WRAP53: variants seen among roughly 807,000 people sequenced by gnomAD.
WRAP53 encodes telomerase Cajal body protein 1.
WRAP53 carries 28 observed loss-of-function variants against 56.6 expected under a neutral mutation model. The observed-to-expected ratio is 0.50, with a 90% confidence interval of 0.37 to 0.68. The LOEUF is 0.68. Among genes scored for constraint, WRAP53 ranks in the 30% least tolerant of loss-of-function variants. The pLI is 0.00. For missense variants in WRAP53, 671 were observed against 715.5 expected (o/e 0.94, Z 0.71); for synonymous variants, 283 against 283.4 (o/e 1.00, Z 0.01).
At position 7,703,054 on chromosome 17, in the gene WRAP53, G is replaced by A. The variant is rs759111012; in HGVS notation, c.1330G>A (p.Gly444Arg). ...SGAVSVWDTD[G>R]PGNDGKPEPV... ...GGCTGTCTCTGTGTGGGACACGGAC[G>A]GGCCTGGCAATGATGGGAAGCCGGA... Residue 444 changes from glycine to arginine, a missense_variant, in exon 10 of 11, where the codon GGG becomes AGG. Physicochemically the swap from Gly to Arg is moderately radical, Grantham distance 125. Transcript: ENST00000396463. 65 of 1,614,116 alleles carry A rather than the reference G, an allele frequency of 4.0e-5. No individual in the cohort carries two copies. Among genetic ancestry groups the A allele is most frequent in the Non-Finnish European group, 5.3e-5 (63 of 1,180,016 alleles).
At chr17:7,700,224 CTAA>C (rs2074256268) in intron 4 of WRAP53, among the ~76,000 whole-genome samples, 1 of 151,732 alleles carries the variant, frequency 6.6e-6, no homozygotes, top group Non-Finnish European at 1.5e-5. Context: ...AATTTTTGTA[CTAA>C]TATTTTTTTA....
At chr17:7,690,442 A>G (rs968533052) in intron 4 of WRAP53, among the ~76,000 whole-genome samples, 14 of 152,220 alleles carry the variant, frequency 9.2e-5, no homozygotes, top group African/African-American at 3.4e-4. Context: ...GAGACTAACT[A>G]GAGGAAAGCA....
At chr17:7,696,659 G>C (rs2074190545) in intron 4 of WRAP53, among the ~76,000 whole-genome samples, 1 of 152,112 alleles carries the variant, frequency 6.6e-6, no homozygotes, top group Non-Finnish European at 1.5e-5. Flanking sequence ...GTGGGTCGGG[G>C]GTAGCACGTG....
Position 7,689,642 on chromosome 17 carries a change from A to C in WRAP53, c.583A>C (p.Ile195Leu), listed in dbSNP as rs751163017. The change falls in exon 4 of 11, where the codon ATT (isoleucine) becomes CTT (leucine). Residue 195 changes from isoleucine to leucine, a missense_variant. Ile to Leu is a conservative substitution (Grantham distance 5). Coordinates refer to ENST00000396463, the MANE Select transcript of WRAP53 (RefSeq NM_001143992.2). ...LTNSADNILR[I>L]YNLPPELYHE... is the part of the protein sequence containing the mutation. ...CAATAGTGCTGATAACATCTTGCGA[A>C]TTTATAACCTGCCCCCAGAGCTGTA... The C allele has an allele frequency of 1.2e-6, 2 of 1,614,090 alleles. No individual in the cohort carries two copies. The highest frequency in any genetic ancestry group is 8.5e-7 in the Non-Finnish European group (1 of 1,179,994).
Position 7,702,691 on chromosome 17 carries a change from AG to A in WRAP53, c.1165-49del, listed in dbSNP as rs1397697442. On this transcript the variant is annotated intron_variant, in intron 8 of 10. Transcript: ENST00000396463. The surrounding 1 kb of genome is among the most constrained non-coding windows in gnomAD (Gnocchi z 5.0). The stretch of plus-strand genomic sequence containing the variant: ...AGTGCCTGGAGACCCCGAGGGAGGC[AG>A]GGACATCCAGGGCTTTGGGGGTGAC... 2.5e-6 allele frequency: 4 copies of A among 1,604,486 alleles called. No homozygotes were observed. The African/African-American group carries it at 5.3e-5, about 21-fold the overall frequency.
rs767714126 is a variant in WRAP53 at position 7,702,529 on chromosome 17, C to T, written c.1141C>T (p.Arg381Cys). ...THLCFHPDGNRFFSGARKDAE... is the reference protein window; with the variant it reads ...THLCFHPDGNCFFSGARKDAE... ...CCTCTGCTTTCATCCCGATGGCAACCGCTTCTTCTCAGGAGCCCGCAAGGT... is the reference window on the plus strand; with the variant it reads ...CCTCTGCTTTCATCCCGATGGCAACTGCTTCTTCTCAGGAGCCCGCAAGGT... The change falls in exon 8 of 11, where the codon CGC (arginine) becomes TGC (cysteine). Residue 381 changes from arginine (R) to cysteine (C), a missense_variant. Coordinates refer to ENST00000396463, the MANE Select transcript of WRAP53 (RefSeq NM_001143992.2). This position sits in a 1 kb window ranked among gnomAD's most constrained non-coding sequence, Gnocchi z 5.0. The T allele has an allele frequency of 1.1e-5, 17 of 1,611,510 alleles. No homozygotes were observed. The highest frequency in any genetic ancestry group is 1.3e-5 in the African/African-American group (1 of 75,012).
chr17:7,695,101 CACT>C (rs1472502230), intron 4 of WRAP53, among the ~76,000 whole-genome samples: 13 of 151,996 alleles, frequency 8.6e-5, no homozygotes, highest in Admixed American at 4.6e-4. Flanking sequence ...TACACGCACC[CACT>C]GCCACCACGC....
intron 4 of WRAP53, among the ~76,000 whole-genome samples, chr17:7,696,545 G>A (rs113244589): frequency 2.0e-5 from 3 of 152,138 alleles, no homozygotes; most frequent in South Asian, 2.1e-4. Context: ...TGATCCGCCC[G>A]CCTTGGCCTC....
At chr17:7,700,980 T>A in intron 5 of WRAP53, 151 bp downstream of exon 5, 1 of 419,862 alleles carries the variant, frequency 2.4e-6, no homozygotes, top group Non-Finnish European at 4.4e-6. Flanking sequence ...TCCCCTTCCT[T>A]TTTTTTTTTT....
In WRAP53 at chr17:7,702,633, G is replaced by A; in HGVS notation, c.1164+81G>A. On this transcript the variant is annotated intron_variant, in intron 8 of 10. Transcript: ENST00000396463. This position sits in a 1 kb window ranked among gnomAD's most constrained non-coding sequence, Gnocchi z 5.0. ...ATGTAGTCTGCAGTGTAGGGGAATG[G>A]GTGGGGATGGGGAAAAAATCCCAAG... 1 of 1,595,332 alleles carries A rather than the reference G, an allele frequency of 6.3e-7. No homozygotes were observed. Among genetic ancestry groups the A allele is most frequent in the Non-Finnish European group, 8.5e-7 (1 of 1,174,234 alleles).
rs747278428 is a variant in WRAP53 at position 7,689,683 on chromosome 17, G to C, written c.624G>C (p.Gln208His). The change falls in exon 4 of 11, where the codon CAG becomes CAC. Residue 208 changes from glutamine (Q) to histidine (H), a missense_variant. By Grantham distance (24) the Gln-to-His change is conservative (BLOSUM62 0). Transcript: ENST00000396463. Reference sequence around the variant, plus strand: ...CAGAGCTGTACCATGAGGGGGAGCAGGTGGAATATGCAGAAATGGTAAGGA... The same window carrying C: ...CAGAGCTGTACCATGAGGGGGAGCACGTGGAATATGCAGAAATGGTAAGGA... The part of the protein sequence containing the change: ...LPPELYHEGE[Q>H]VEYAEMVPVL... The C allele has an allele frequency of 6.2e-7, 1 of 1,614,026 alleles. No individual in the cohort carries two copies. Among genetic ancestry groups the C allele is most frequent in the Admixed American group, 1.7e-5 (1 of 60,012 alleles).
chr17:7,689,159 C>T, intron 2 of WRAP53, 65 bp from the exon 3 acceptor site: 7 of 1,613,414 alleles, frequency 4.3e-6, no homozygotes, highest in Non-Finnish European at 5.9e-6. Flanking sequence ...CTGAGACCCA[C>T]TTCTCCAGGC....
chr17:7,703,177 T>G (rs1238606132), intron 10 of WRAP53, 50 bp downstream of exon 10: 2 of 1,612,712 alleles, frequency 1.2e-6, no homozygotes, highest in Non-Finnish European at 1.7e-6. Context: ...GGGAGGGAGG[T>G]GAATCCCAGA....
chr17:7,703,391 TGG>T lies in WRAP53; in HGVS notation c.1553_1554del (p.Trp518LeufsTer11). ...VHLECRLQLW[W>X]CGGAPDSSIP... ...CCTTGAATGTCGGCTTCAGCTCTGG[TGG>T]TGTGGGGGGGCGCCAGACTCCAGCA... is the stretch of plus-strand genomic sequence containing the variant. On this transcript the variant is annotated frameshift_variant, in exon 11 of 11. Transcript: ENST00000396463. LOFTEE classifies it low-confidence loss of function (END_TRUNC). 1 of 1,613,016 alleles carries T rather than the reference TGG, an allele frequency of 6.2e-7. No individual in the cohort carries two copies. Among genetic ancestry groups the T allele is most frequent in the Non-Finnish European group, 8.5e-7 (1 of 1,179,770 alleles).
Position 7,689,046 on chromosome 17 carries a change from C to T in WRAP53, c.398C>T (p.Ser133Phe). ...LGSGKAMEDT[S>F]GEPAAEDEGD... ...TCTGGAAAAGCCATGGAAGATACCTCTGGGGAACCCGCTGCAGAGGACGAG... is the reference window on the plus strand; with the variant it reads ...TCTGGAAAAGCCATGGAAGATACCTTTGGGGAACCCGCTGCAGAGGACGAG... The change falls in exon 2 of 11, where the codon TCT becomes TTT. Residue 133 changes from serine (S) to phenylalanine (F), a missense_variant. Ser to Phe is a radical substitution (Grantham distance 155, BLOSUM62 -2). Coordinates refer to ENST00000396463, the MANE Select transcript of WRAP53 (RefSeq NM_001143992.2). The T allele has an allele frequency of 6.2e-7, 1 of 1,614,148 alleles. No homozygotes were observed. The highest frequency in any genetic ancestry group is 8.5e-7 in the Non-Finnish European group (1 of 1,180,032).
chr17:7,702,885 A>G lies in WRAP53; in HGVS notation c.1268+39A>G. ...ACTCCTTCCTACACAGGGCCCTGAT[A>G]AGCCTAGGAATGCCAGAGCCCAGCT... On this transcript the variant is annotated intron_variant, in intron 9 of 10. Transcript: ENST00000396463. The surrounding 1 kb of genome is among the most constrained non-coding windows in gnomAD (Gnocchi z 5.0). 6.2e-7 allele frequency: 1 copy of G among 1,613,120 alleles called. No individual in the cohort carries two copies. Among genetic ancestry groups the G allele is most frequent in the Non-Finnish European group, 8.5e-7 (1 of 1,179,764 alleles).
intron 4 of WRAP53, among the ~76,000 whole-genome samples, chr17:7,700,305 G>C (rs2074257250): frequency 6.6e-6 from 1 of 151,864 alleles, no homozygotes; most frequent in African/African-American, 2.4e-5. Flanking sequence ...TTTGTCTCTG[G>C]GTTGAGGTAT....
At chr17:7,693,504 A>G (rs904911641) in intron 4 of WRAP53, among the ~76,000 whole-genome samples, 2 of 152,146 alleles carry the variant, frequency 1.3e-5, no homozygotes, top group African/African-American at 4.8e-5. Context: ...GGATCGCCTG[A>G]GGTCAGGAAT....
Position 7,688,787 on chromosome 17 carries a change from AG to A in WRAP53, c.145del (p.Asp49IlefsTer41), listed in dbSNP as rs1268707911. On this transcript the variant is annotated frameshift_variant, in exon 2 of 11. Transcript: ENST00000396463. LOFTEE classifies it high-confidence loss of function. ...TGAACTGATGCCACCGCCTCCCGAA[AG>A]GGGGGATCCGCCCCGGTTGTCCCCA... ...DSELMPPPPE[R>X]GDPPRLSPDP... 2 of 1,614,156 alleles carry A rather than the reference AG, an allele frequency of 1.2e-6. No homozygotes were observed. Among genetic ancestry groups the A allele is most frequent in the South Asian group, 2.2e-5 (2 of 91,088 alleles).
Sources: allele counts gnomAD v4.1 joint callset (sites outside exome capture counted in the v4.1 genomes callset), GRCh38; gene constraint gnomAD v4.1.1; non-coding constraint Gnocchi (gnomAD v3.1); transcripts MANE v1.5; gene names NCBI Gene and HGNC (gene_info 2026-07-23, HGNC 2026-07-21).